GLIS3: variants seen among roughly 807,000 people sequenced by gnomAD.
GLIS3 encodes GLIS family zinc finger 3.
GLIS3 carries 53 observed loss-of-function variants against 78.6 expected under a neutral mutation model. The observed-to-expected ratio is 0.67, with a 90% confidence interval of 0.54 to 0.85. The LOEUF (loss-of-function observed/expected upper bound fraction) is 0.85. Ranked by LOEUF, GLIS3 falls within the 40% of genes least tolerant of loss-of-function variation. The pLI is 0.00. For synonymous variants in GLIS3, 684 were observed against 509.9 expected (o/e 1.34, Z -4.60); for missense variants, 1,703 against 1,231.1 (o/e 1.38, Z -5.74).
intron 2 of GLIS3, among the ~76,000 whole-genome samples, chr9:4,165,712 G>A (rs575031949): frequency 6.6e-6 from 1 of 152,198 alleles, no homozygotes. Flanking sequence ...TGCCTATGCA[G>A]ATATCCAGAT....
At chr9:4,348,047 G>C (rs1817916988) in intron 1 of GLIS3, among the ~76,000 whole-genome samples, 1 of 152,158 alleles carries the variant, frequency 6.6e-6, no homozygotes, top group Non-Finnish European at 1.5e-5. Flanking sequence ...TTTAACTTAT[G>C]ATTCAACTTC....
the GLIS3 span, among the ~76,000 whole-genome samples, chr9:4,477,609 T>C: frequency 4.6e-5 from 7 of 152,102 alleles, no homozygotes; most frequent in Non-Finnish European, 1.0e-4. Flanking sequence ...AGATAAGGTC[T>C]CCCTATGTTG....
the GLIS3 span, among the ~76,000 whole-genome samples, chr9:4,474,794 T>A: frequency 2.0e-5 from 3 of 150,816 alleles, no homozygotes; most frequent in South Asian, 4.2e-4. Context: ...CCTCCCAGTC[T>A]CAAGTGATCC....
At chr9:4,364,532 G>C in the GLIS3 span, among the ~76,000 whole-genome samples, 1 of 151,954 alleles carries the variant, frequency 6.6e-6, no homozygotes, top group Non-Finnish European at 1.5e-5. Context: ...AGTGAATAAA[G>C]TCAGGTTACA....
intron 4 of GLIS3, among the ~76,000 whole-genome samples, chr9:4,115,970 G>A (rs806054): frequency 0.33 from 50,077 of 151,986 alleles, 10,156 homozygotes; most frequent in African/African-American, 0.57. Context: ...ATAAGCCTGC[G>A]AACATTAACC....
chr9:4,158,373 C>A (rs1487193526), intron 2 of GLIS3, among the ~76,000 whole-genome samples: 1 of 152,184 alleles, frequency 6.6e-6, no homozygotes, highest in Non-Finnish European at 1.5e-5. Context: ...TTACTGTCCC[C>A]TCTGTCACGG....
chr9:4,174,224 T>C (rs1006700968), intron 2 of GLIS3, among the ~76,000 whole-genome samples: 16 of 152,170 alleles, frequency 1.1e-4, no homozygotes, highest in Non-Finnish European at 2.2e-4. Context: ...CATATTACAA[T>C]AAGCTGCATT....
In GLIS3 at chr9:3,893,187, C is replaced by T. The variant is rs562330461; in HGVS notation, c.2128+5504G>A. Among the ~76,000 whole-genome samples the T allele has an allele frequency of 2.0e-3, 307 of 152,330 alleles. 3 individuals carry two copies. Among genetic ancestry groups the T allele is most frequent in the African/African-American group, 7.0e-3 (293 of 41,582 alleles). The stretch of plus-strand genomic sequence containing the variant: ...AAGCCGCAATTGCCCAGCCTCGCTA[C>T]TTGCCTCTCCTCCTCAATGAGGTAC... On this transcript the variant is annotated intron_variant, in intron 7 of 10. Coordinates refer to ENST00000381971, the MANE Select transcript of GLIS3 (RefSeq NM_001042413.2).
chr9:4,148,460 G>C (rs1834399305), intron 2 of GLIS3, among the ~76,000 whole-genome samples: 1 of 152,062 alleles, frequency 6.6e-6, no homozygotes, highest in Non-Finnish European at 1.5e-5. Context: ...TCCAATGCCA[G>C]GTTTACAGTG....
intron 4 of GLIS3, among the ~76,000 whole-genome samples, chr9:4,060,780 G>GATT (rs1826582720): frequency 6.6e-6 from 1 of 152,146 alleles, no homozygotes; most frequent in Non-Finnish European, 1.5e-5. Flanking sequence ...CAGTTTTGGG[G>GATT]ATTATTTTAA....
At chr9:3,987,750 C>T (rs534754827) in intron 4 of GLIS3, among the ~76,000 whole-genome samples, 5 of 122,144 alleles carry the variant, frequency 4.1e-5, no homozygotes, top group Admixed American at 2.7e-4. Flanking sequence ...CTGAAAACTC[C>T]CTGGATTTGG....
chr9:3,957,395 G>A (rs1254490296), intron 4 of GLIS3, among the ~76,000 whole-genome samples: 1 of 152,204 alleles, frequency 6.6e-6, no homozygotes, highest in African/African-American at 2.4e-5. Context: ...CTATTGATGT[G>A]GCAGTGAGGA....
At chr9:4,361,496 A>G in the GLIS3 span, among the ~76,000 whole-genome samples, 1 of 152,162 alleles carries the variant, frequency 6.6e-6, no homozygotes, top group African/African-American at 2.4e-5. Context: ...GTTCCCTTCC[A>G]TTCTCTAATC....
intron 9 of GLIS3, among the ~76,000 whole-genome samples, chr9:3,846,639 C>G (rs766283618): frequency 6.6e-6 from 1 of 152,152 alleles, no homozygotes; most frequent in Non-Finnish European, 1.5e-5. Context: ...AAAATGTTTT[C>G]TTAAGCAAAG....
At chr9:4,474,277 G>C in the GLIS3 span, among the ~76,000 whole-genome samples, 2 of 152,140 alleles carry the variant, frequency 1.3e-5, no homozygotes, top group Non-Finnish European at 2.9e-5. Context: ...AGTTCAAGGT[G>C]GGCAGATTGC....
At chr9:4,268,229 T>C (rs1563865998) in intron 2 of GLIS3, among the ~76,000 whole-genome samples, 2 of 151,942 alleles carry the variant, frequency 1.3e-5, no homozygotes, top group African/African-American at 2.4e-5. Context: ...GGAGTCATAA[T>C]AACAACAACA....
At chr9:3,917,511 T>G (rs1267357901) in intron 6 of GLIS3, among the ~76,000 whole-genome samples, 1 of 152,162 alleles carries the variant, frequency 6.6e-6, no homozygotes, top group Non-Finnish European at 1.5e-5. Context: ...ATAATAAAAC[T>G]CCTTTTTAAC....
At chr9:4,154,733 T>C (rs1351059954) in intron 2 of GLIS3, among the ~76,000 whole-genome samples, 1 of 152,176 alleles carries the variant, frequency 6.6e-6, no homozygotes, top group Non-Finnish European at 1.5e-5. Flanking sequence ...TAATATGTTA[T>C]ATAAACCTTT....
rs1016069188 is a variant in GLIS3, at chr9:4,118,150, A to T, written c.1328T>A (p.Leu443Gln). 6.4e-7 allele frequency: 1 copy of T among 1,554,988 alleles called. No individual in the cohort carries two copies. The highest frequency in any genetic ancestry group is 1.4e-5 in the African/African-American group (1 of 73,662). The change falls in exon 4 of 11, where the codon CTA becomes CAA. Residue 443 changes from leucine to glutamine, a missense_variant. Physicochemically the swap from Leu to Gln is moderately radical, Grantham distance 113 (BLOSUM62 -2). Transcript: ENST00000381971. The surrounding 1 kb of genome is among the most constrained non-coding windows in gnomAD (Gnocchi z 4.7). ...LEEFPGSTVD[L>Q]PPAPPLPPLP... Reference sequence around the variant, plus strand: ...AGGAGGGAGCGGAGGCGCGGGGGGTAGGTCTACGGTGCTGCCCGGGAACTC... The same window carrying T: ...AGGAGGGAGCGGAGGCGCGGGGGGTTGGTCTACGGTGCTGCCCGGGAACTC...
Sources: gnomAD v4.1 joint callset for allele counts (sites outside exome capture counted in the v4.1 genomes callset) on GRCh38, gnomAD v4.1.1 for gene constraint, Gnocchi (gnomAD v3.1) non-coding constraint, MANE v1.5 for transcripts, NCBI Gene and HGNC (gene_info 2026-07-23, HGNC 2026-07-21) for gene names.